SLC12A3: variants seen among roughly 807,000 people sequenced by gnomAD.
The protein encoded by SLC12A3 is solute carrier family 12 member 3, also known as Na-Cl cotransporter.
Under a neutral mutation model 121.0 loss-of-function variants are expected in SLC12A3, and 104 were observed. The observed-to-expected ratio is 0.86, with a 90% CI of 0.73 to 1.01. The LOEUF is 1.01. Ranked by LOEUF, SLC12A3 falls within the 50% of genes least tolerant of loss-of-function variation. The pLI is 0.00. For missense variants in SLC12A3, 1,328 were observed against 1,356.3 expected (o/e 0.98, Z 0.33); for synonymous variants, 536 against 533.4 (o/e 1.00, Z -0.07).
At chr16:56,897,871 G>A (rs559520980) in intron 22 of SLC12A3, among the ~76,000 whole-genome samples, 126 of 152,238 alleles carry the variant, frequency 8.3e-4, no homozygotes, top group Non-Finnish European at 8.7e-4. Flanking sequence ...GCCAGCCTCC[G>A]CTGCTACTGC....
chr16:56,866,310 TAA>T (rs1440413035), intron 1 of SLC12A3, among the ~76,000 whole-genome samples: 5 of 152,152 alleles, frequency 3.3e-5, no homozygotes, highest in African/African-American at 1.2e-4. Flanking sequence ...ATTCTGAGGC[TAA>T]GACTTACTAA....
chr16:56,868,329 C>T lies in SLC12A3; in HGVS notation c.462C>T (p.Ile154=). 6.2e-7 allele frequency: 1 copy of T among 1,614,020 alleles called. No homozygotes were observed. Among genetic ancestry groups the T allele is most frequent in the Non-Finnish European group, 8.5e-7 (1 of 1,179,992 alleles). The change falls in exon 3 of 26, where the codon ATC becomes ATT. Residue 154 remains isoleucine, a synonymous_variant. Coordinates refer to ENST00000563236, the MANE Select transcript of SLC12A3 (RefSeq NM_001126108.2). ...IRCMLNIWGV[I]LYLRLPWITA... ...GCATGCTCAACATTTGGGGCGTGAT[C>T]CTCTACCTGCGGCTGCCCTGGATTA...
intron 25 of SLC12A3, among the ~76,000 whole-genome samples, chr16:56,909,697 C>T (rs559191670): frequency 1.3e-5 from 2 of 152,192 alleles, no homozygotes; most frequent in South Asian, 2.1e-4. Flanking sequence ...GTCAGAGGGT[C>T]CGCTTCATCA....
intron 21 of SLC12A3, 101 bp downstream of exon 21, chr16:56,893,155 G>A (rs1241065488): frequency 2.1e-6 from 2 of 962,208 alleles, no homozygotes; most frequent in African/African-American, 3.2e-5. Flanking sequence ...GGGGACAGGG[G>A]CTCCTGGGCC....
chr16:56,906,745 G>C (rs1391366441), intron 25 of SLC12A3: 30 of 707,222 alleles, frequency 4.2e-5, no homozygotes, highest in Non-Finnish European at 6.5e-5. Flanking sequence ...AAGACAACTA[G>C]CTTTGGCATG....
Position 56,902,514 on chromosome 16 carries a change from G to A in SLC12A3, c.2856+6G>A, listed in dbSNP as rs1411026302. 2 of 1,599,662 alleles carry A rather than the reference G, an allele frequency of 1.3e-6. No homozygotes were observed. Among genetic ancestry groups the A allele is most frequent in the Non-Finnish European group, 1.7e-6 (2 of 1,169,338 alleles). ...TTACGAAGAACAGAGTCAAGGTGCA[G>A]AGAGGGGTGGGGGTGGGAAACGCGA... On this transcript the variant is annotated splice_donor_region_variant and intron_variant, in intron 24 of 25. Coordinates refer to ENST00000563236, the MANE Select transcript of SLC12A3 (RefSeq NM_001126108.2).
intron 1 of SLC12A3, among the ~76,000 whole-genome samples, chr16:56,866,853 C>A (rs1171718329): frequency 6.6e-6 from 1 of 152,200 alleles, no homozygotes; most frequent in Non-Finnish European, 1.5e-5. Context: ...AGCAATCCAC[C>A]CACCTTGGCC....
At chr16:56,889,453 A>C (rs1264316559) in intron 18 of SLC12A3, among the ~76,000 whole-genome samples, 1 of 152,126 alleles carries the variant, frequency 6.6e-6, no homozygotes, top group Non-Finnish European at 1.5e-5. Context: ...TTGGAACAAG[A>C]GTCTTCCAGA....
chr16:56,903,389 T>C (rs1197260956), intron 24 of SLC12A3, among the ~76,000 whole-genome samples: 1 of 152,138 alleles, frequency 6.6e-6, no homozygotes, highest in African/African-American at 2.4e-5. Context: ...GTCCTACTTC[T>C]ACCCCCAGTG....
intron 22 of SLC12A3, among the ~76,000 whole-genome samples, chr16:56,898,466 A>G (rs1014516380): frequency 3.3e-5 from 5 of 151,974 alleles, no homozygotes; most frequent in Non-Finnish European, 5.9e-5. Flanking sequence ...CACTGTGTTA[A>G]TCAGGATGGT....
chr16:56,908,241 A>G (rs1461588978), intron 25 of SLC12A3, among the ~76,000 whole-genome samples: 2 of 145,192 alleles, frequency 1.4e-5, no homozygotes, highest in East Asian at 2.0e-4. Flanking sequence ...GCTCACTGCA[A>G]CCTCCGCCTC....
At chr16:56,883,263 G>T (rs1171706540) in intron 13 of SLC12A3, among the ~76,000 whole-genome samples, 2 of 150,884 alleles carry the variant, frequency 1.3e-5, no homozygotes, top group African/African-American at 4.9e-5. Flanking sequence ...AGAGGCTTGA[G>T]GAAGACTTTT....
intron 22 of SLC12A3, among the ~76,000 whole-genome samples, chr16:56,896,311 T>C (rs747592077): frequency 2.0e-5 from 3 of 152,180 alleles, no homozygotes; most frequent in Non-Finnish European, 4.4e-5. Flanking sequence ...CCTGTGCTTG[T>C]CTCCCGGAGC....
At chr16:56,886,774 C>T (rs1475676128) in intron 16 of SLC12A3, among the ~76,000 whole-genome samples, 179 bp from the exon 17 acceptor site, 1 of 152,128 alleles carries the variant, frequency 6.6e-6, no homozygotes, top group African/African-American at 2.4e-5. Context: ...TGCCCCCTCC[C>T]TCTCCCTTCC....
At chr16:56,897,500 A>G (rs763662410) in intron 22 of SLC12A3, among the ~76,000 whole-genome samples, 10 of 152,188 alleles carry the variant, frequency 6.6e-5, no homozygotes, top group African/African-American at 2.2e-4. Context: ...CAGCAATCCT[A>G]TCACTTTGTC....
chr16:56,912,351 G>A (rs927663459), intron 25 of SLC12A3, among the ~76,000 whole-genome samples: 2 of 152,252 alleles, frequency 1.3e-5, no homozygotes, highest in Non-Finnish European at 2.9e-5. Flanking sequence ...GACATGGCTG[G>A]ACAGCATTCC....
chr16:56,877,250 G>A (rs1022056729), intron 8 of SLC12A3, among the ~76,000 whole-genome samples: 12 of 152,090 alleles, frequency 7.9e-5, no homozygotes, highest in Middle Eastern at 3.4e-3. Context: ...AAATTAGGGC[G>A]CCTATAGTGG....
intron 22 of SLC12A3, among the ~76,000 whole-genome samples, chr16:56,897,755 A>T (rs1285611886): frequency 1.3e-5 from 2 of 152,112 alleles, no homozygotes; most frequent in Non-Finnish European, 2.9e-5. Flanking sequence ...AAGGTTAGGT[A>T]ACCCTTCCTC....
chr16:56,867,910 G>A (rs186761691), intron 2 of SLC12A3, among the ~76,000 whole-genome samples: 22 of 152,336 alleles, frequency 1.4e-4, no homozygotes, highest in Admixed American at 1.4e-3. Context: ...TCTTACATGG[G>A]GCGCTGGCTC....
Sources: gnomAD v4.1 joint callset for allele counts (sites outside exome capture counted in the v4.1 genomes callset) on GRCh38, gnomAD v4.1.1 for gene constraint, MANE v1.5 for transcripts, NCBI Gene and HGNC (gene_info 2026-07-23, HGNC 2026-07-21) for gene names.